The following SHANK1 variants were observed in gnomAD, a reference collection of about 807,000 sequenced individuals.
SHANK1 encodes the protein SH3 and multiple ankyrin repeat domains 1.
SHANK1 carries 35 observed loss-of-function variants against 165.6 expected under a neutral mutation model. That is an observed-to-expected ratio of 0.21 (90% CI 0.16 to 0.28). The LOEUF is 0.28. SHANK1 is among the 10% of genes least tolerant of loss of function. The pLI is 1.00. For missense variants in SHANK1, 2,681 were observed against 3,036.4 expected (o/e 0.88, Z 2.75); for synonymous variants, 1,428 against 1,384.8 (o/e 1.03, Z -0.69).
rs990725091 is a variant in SHANK1, at chr19:50,702,116, C to T, written c.1747+351G>A. On this transcript the variant is annotated intron_variant, in intron 12 of 23. Transcript: ENST00000293441. This position sits in a 1 kb window ranked among gnomAD's most constrained non-coding sequence, Gnocchi z 5.3. ...TGAGGACCTTGGGCAAGTGGCTTCA[C>T]CTGTGTGAGGTTCTGTTCCTTCAAC... is the stretch of plus-strand genomic sequence containing the variant. Among the ~76,000 whole-genome samples the T allele has an allele frequency of 6.6e-6, 1 of 151,118 alleles. No homozygotes were observed. The highest frequency in any genetic ancestry group is 1.9e-4 in the East Asian group (1 of 5,130).
intron 15 of SHANK1, among the ~76,000 whole-genome samples, chr19:50,696,457 G>C (rs555175219): frequency 3.4e-5 from 5 of 147,758 alleles, no homozygotes; most frequent in African/African-American, 1.3e-4. Context: ...ACACAGACAC[G>C]TAGGTTTGGA....
At chr19:50,673,943 A>C (rs7255685) in intron 21 of SHANK1, among the ~76,000 whole-genome samples, 85,875 of 151,448 alleles carry the variant, frequency 0.57, 24,748 homozygotes, top group Middle Eastern at 0.66. Context: ...AGGCAGGCAC[A>C]ATCACATCCA....
intron 8 of SHANK1, 50 bp from the exon 9 acceptor site, chr19:50,704,564 A>C (rs1599867526): frequency 6.6e-7 from 1 of 1,516,878 alleles, no homozygotes; most frequent in East Asian, 2.3e-5. Flanking sequence ...GAAAAAATTA[A>C]GATCACCATG....
Position 50,666,032 on chromosome 19 carries a change from A to G in SHANK1, c.5768+160T>C, listed in dbSNP as rs188696423. On this transcript the variant is annotated intron_variant, in intron 23 of 23. Transcript: ENST00000293441. Reference sequence around the variant, plus strand: ...CTCTCAAGAAAAGAAAAGAAAAAAAAAAAAAGAAAAAGAAAATATTTGTGA... The same window carrying G: ...CTCTCAAGAAAAGAAAAGAAAAAAAGAAAAAGAAAAAGAAAATATTTGTGA... Among the ~76,000 whole-genome samples the G allele has an allele frequency of 4.8e-5, 7 of 147,130 alleles. No individual in the cohort carries two copies. In the East Asian group the frequency reaches 1.2e-3, roughly 24 times the overall value.
chr19:50,666,152 C>T (rs1293563040), intron 23 of SHANK1, 40 bp downstream of exon 23: 1 of 1,508,064 alleles, frequency 6.6e-7, no homozygotes, highest in South Asian at 1.3e-5. Context: ...ATGCCATCAA[C>T]ACCTCTGGCC....
At position 50,659,693 on chromosome 19, in the gene SHANK1, CTT is replaced by C. The variant is rs1426207906; in HGVS notation, c.*2270_*2271del. 6.7e-6 allele frequency among the ~76,000 whole-genome samples: 1 copy of C among 148,728 alleles called. No homozygotes were observed. The highest frequency in any genetic ancestry group is 1.5e-5 in the Non-Finnish European group (1 of 66,958). On this transcript the variant is annotated 3_prime_UTR_variant, in exon 24 of 24. Transcript: ENST00000293441. ...ATTTTCTTCTTTTGTTATTGTTCCT[CTT>C]TTTGCTTTTTCTCTCCTCTCCACCC... is the stretch of plus-strand genomic sequence containing the variant.
At chr19:50,707,722 C>G (rs372832447) in intron 8 of SHANK1, among the ~76,000 whole-genome samples, 1 of 151,912 alleles carries the variant, frequency 6.6e-6, no homozygotes, top group East Asian at 1.9e-4. Flanking sequence ...TATGAATGGA[C>G]GACTCTGACT....
chr19:50,665,304 G>A (rs1302902000), intron 23 of SHANK1, among the ~76,000 whole-genome samples: 1 of 151,980 alleles, frequency 6.6e-6, no homozygotes, highest in Admixed American at 6.6e-5. Flanking sequence ...TGGCTCATGT[G>A]TGGAATCTCA....
rs1275395190 is a variant in SHANK1 at position 50,660,562 on chromosome 19, A to C, written c.*1403T>G. 1.3e-5 allele frequency among the ~76,000 whole-genome samples: 2 copies of C among 152,126 alleles called. No homozygotes were observed. The highest frequency in any genetic ancestry group is 2.9e-5 in the Non-Finnish European group (2 of 68,032). ...TGTCAGGAAAAGAAATGACAGTTAC[A>C]GCCCAAGAGTGCATGGAATGAGATG... On this transcript the variant is annotated 3_prime_UTR_variant, in exon 24 of 24. Transcript: ENST00000293441.
rs1175637594 is a variant in SHANK1 at position 50,666,044 on chromosome 19, GA to G, written c.5768+147del. The G allele has an allele frequency of 2.1e-5, 11 of 527,086 alleles. No individual in the cohort carries two copies. In the African/African-American group the frequency reaches 2.3e-4, roughly 11 times the overall value. 32.7% of individuals were successfully genotyped at this position (527,086 alleles called of 1,614,324 possible). On this transcript the variant is annotated intron_variant, in intron 23 of 23. Transcript: ENST00000293441. The stretch of plus-strand genomic sequence containing the variant: ...GAAAAGAAAAAAAAAAAAAGAAAAA[GA>G]AAATATTTGTGAAAGCATGCTTCTG...
At position 50,715,694 on chromosome 19, in the gene SHANK1, G is replaced by T; in HGVS notation, c.496C>A (p.Leu166Met). The stretch of plus-strand genomic sequence containing the variant: ...AACTTGGCCAGCTGCTTCTCATCCA[G>T]GTTGGTCTGTTTGTAAACTCGGGTC... Reference protein sequence around the residue: ...YKTRVYKQTNLDEKQLAKLHT... With the variant: ...YKTRVYKQTNMDEKQLAKLHT... The change falls in exon 4 of 24, where the codon CTG becomes ATG. Residue 166 changes from leucine (L) to methionine (M), a missense_variant. Coordinates refer to ENST00000293441, the MANE Select transcript of SHANK1 (RefSeq NM_016148.5). 1 of 1,614,140 alleles carries T rather than the reference G, an allele frequency of 6.2e-7. No individual in the cohort carries two copies. Among genetic ancestry groups the T allele is most frequent in the Non-Finnish European group, 8.5e-7 (1 of 1,180,024 alleles).
intron 21 of SHANK1, among the ~76,000 whole-genome samples, chr19:50,674,434 T>C (rs1985910427): frequency 6.6e-6 from 1 of 152,168 alleles, no homozygotes; most frequent in Non-Finnish European, 1.5e-5. Context: ...CACTTCCCAC[T>C]ATACCCCCTC....
In SHANK1 at chr19:50,687,114, A is replaced by G. The variant is rs781712223; in HGVS notation, c.2390-302T>C. ...GGAAGGTGAGGGGCCCCCTGTCTGG[A>G]AGCCCGCCTCCCTCGGGGCCCCGGG... is the stretch of plus-strand genomic sequence containing the variant. On this transcript the variant is annotated intron_variant, in intron 19 of 23. Transcript: ENST00000293441. 7.0e-4 allele frequency: 740 copies of G among 1,063,768 alleles called. 1 individual carries two copies. Among genetic ancestry groups the G allele is most frequent in the Non-Finnish European group, 9.0e-4 (701 of 781,348 alleles). 65.9% of individuals were successfully genotyped at this position (1,063,768 alleles called of 1,614,324 possible).
At position 50,690,583 on chromosome 19, in the gene SHANK1, T is replaced by C. The variant is rs1986508725; in HGVS notation, c.1965-1304A>G. On this transcript the variant is annotated intron_variant, in intron 15 of 23. Transcript: ENST00000293441. This position sits in a 1 kb window ranked among gnomAD's most constrained non-coding sequence, Gnocchi z 4.9. Reference sequence around the variant, plus strand: ...GCACCTCCCACCCTCACAATCCCAGTGTATTCCAATAATACCCAGATCCCA... The same window carrying C: ...GCACCTCCCACCCTCACAATCCCAGCGTATTCCAATAATACCCAGATCCCA... Among the ~76,000 whole-genome samples the C allele has an allele frequency of 6.6e-6, 1 of 152,080 alleles. No homozygotes were observed. Among genetic ancestry groups the C allele is most frequent in the Non-Finnish European group, 1.5e-5 (1 of 68,004 alleles).
chr19:50,704,320 C>G, intron 9 of SHANK1, 117 bp downstream of exon 9: 4 of 1,313,508 alleles, frequency 3.0e-6, no homozygotes, highest in Non-Finnish European at 4.4e-6. Context: ...TCTTCCAGCT[C>G]CCCCTCCACG....
In SHANK1 at chr19:50,688,206, G is replaced by T. The variant is rs142536180; in HGVS notation, c.2173-148C>A. On this transcript the variant is annotated intron_variant, in intron 17 of 23. Transcript: ENST00000293441. The surrounding 1 kb of genome is among the most constrained non-coding windows in gnomAD (Gnocchi z 6.7). ...TCTCCCTCCGACCCTTCATACCACC[G>T]CCTCCCTGGGCAAGCCCCCTTTCCC... The T allele has an allele frequency of 2.0e-6, 2 of 977,234 alleles. No individual in the cohort carries two copies. Among genetic ancestry groups the T allele is most frequent in the Admixed American group, 2.5e-5 (1 of 40,576 alleles). 60.5% of individuals were successfully genotyped at this position (977,234 alleles called of 1,614,324 possible).
At chr19:50,663,852 T>C (rs562603264) in intron 23 of SHANK1, among the ~76,000 whole-genome samples, 79 of 151,880 alleles carry the variant, frequency 5.2e-4, no homozygotes, top group African/African-American at 1.7e-3. Context: ...CCCACATTTG[T>C]TTGTTTATTT....
In SHANK1 at chr19:50,668,520, G is replaced by C. The variant is rs1446536045; in HGVS notation, c.3440C>G (p.Pro1147Arg). The change falls in exon 23 of 24, where the codon CCC becomes CGC. Residue 1147 changes from proline (P) to arginine (R), a missense_variant. By Grantham distance (103) the Pro-to-Arg change is moderately radical (BLOSUM62 -2). This residue lies in a region of SHANK1 where 1,713 missense variants were observed against 1,630.2 expected (regional missense o/e 1.05). Transcript: ENST00000293441. ...GATGGGGATGGAGTTCTTCTCCGAGGGCGCGGCCACGGCGGGCGGCGGCTG... is the reference window on the plus strand; with the variant it reads ...GATGGGGATGGAGTTCTTCTCCGAGCGCGCGGCCACGGCGGGCGGCGGCTG... ...SPQPPPAVAA[P>R]SEKNSIPIPT... 1.5e-6 allele frequency: 2 copies of C among 1,349,464 alleles called. No homozygotes were observed. The highest frequency in any genetic ancestry group is 1.9e-6 in the Non-Finnish European group (2 of 1,050,982). 83.6% of individuals were successfully genotyped at this position (1,349,464 alleles called of 1,614,324 possible). A position where few individuals can be genotyped will look rare whatever the true frequency, so the allele number is the denominator to read the frequency against.
intron 19 of SHANK1, chr19:50,687,052 G>A (rs986911637): frequency 3.9e-5 from 58 of 1,471,692 alleles, no homozygotes; most frequent in Non-Finnish European, 5.1e-5. Flanking sequence ...TAGCCCGGGG[G>A]AGAGGCAGTA....
Sources: gnomAD v4.1 joint callset for allele counts (sites outside exome capture counted in the v4.1 genomes callset) on GRCh38, gnomAD v4.1.1 for gene constraint, gnomAD v4.1.1 regional missense constraint, Gnocchi (gnomAD v3.1) non-coding constraint, MANE v1.5 for transcripts, NCBI Gene and HGNC (gene_info 2026-07-23, HGNC 2026-07-21) for gene names.